Variants in UNC13C observed in about 807,000 individuals in gnomAD.
UNC13C encodes unc-13 homolog C, also known as protein unc-13 homolog C.
A neutral mutation model predicts 245.4 loss-of-function variants in UNC13C; 174 were observed. The observed-to-expected ratio is 0.71, with a 90% CI of 0.63 to 0.80. UNC13C has a LOEUF of 0.80. UNC13C is among the 30% of genes least tolerant of loss of function. UNC13C has a pLI of 0.00. For synonymous variants in UNC13C, 992 were observed against 895.1 expected (o/e 1.11, Z -1.93); for missense variants, 2,829 against 2,602.9 (o/e 1.09, Z -1.89).
intron 4 of UNC13C, among the ~76,000 whole-genome samples, chr15:54,228,202 G>A (rs553846711): frequency 1.1e-4 from 16 of 151,986 alleles, no homozygotes; most frequent in Non-Finnish European, 2.1e-4. Flanking sequence ...GACCTCTTTC[G>A]TCAGCTTGTG....
intron 13 of UNC13C, among the ~76,000 whole-genome samples, chr15:54,320,033 T>C (rs2038109124): frequency 6.6e-6 from 1 of 152,020 alleles, no homozygotes; most frequent in Non-Finnish European, 1.5e-5. Flanking sequence ...CCTAATTAAA[T>C]CTTGTCTGTA....
chr15:54,272,618 A>T (rs191356118), intron 10 of UNC13C, among the ~76,000 whole-genome samples: 2 of 152,122 alleles, frequency 1.3e-5, no homozygotes, highest in Admixed American at 1.3e-4. Context: ...TTATTTATTT[A>T]TTTATTTCTC....
At chr15:53,860,361 A>T in the UNC13C span, among the ~76,000 whole-genome samples, 1 of 152,194 alleles carries the variant, frequency 6.6e-6, no homozygotes, top group Admixed American at 6.5e-5. Context: ...ATCCTCAGGG[A>T]GGTAACTCAC....
intron 4 of UNC13C, among the ~76,000 whole-genome samples, chr15:54,171,610 C>A (rs541476317): frequency 6.6e-5 from 10 of 152,064 alleles, no homozygotes; most frequent in Admixed American, 2.0e-4. Context: ...ATAACAAATG[C>A]TGGTGAGAAT....
intron 2 of UNC13C, among the ~76,000 whole-genome samples, chr15:54,068,294 C>G (rs997620833): frequency 6.6e-6 from 1 of 152,054 alleles, no homozygotes; most frequent in Non-Finnish European, 1.5e-5. Context: ...GACTCAAACC[C>G]AAAGTTGTGA....
the UNC13C span, among the ~76,000 whole-genome samples, chr15:53,942,749 C>T: frequency 1.3e-5 from 2 of 152,180 alleles, no homozygotes; most frequent in South Asian, 4.1e-4. Context: ...GTGCAACTTC[C>T]AACTCCTGGT....
rs548060086 is a variant in UNC13C, at chr15:54,137,724, G to A, written c.2984-5294G>A. 9.8e-4 allele frequency among the ~76,000 whole-genome samples: 149 copies of A among 151,924 alleles called. 1 individual carries two copies. Among genetic ancestry groups the A allele is most frequent in the Non-Finnish European group, 1.3e-3 (87 of 67,926 alleles). Reference sequence around the variant, plus strand: ...GATCCATTTCCCTTATTTTCTTGGTGAGTCTAGCTAAGAGTTTGACAATTT... The same window carrying A: ...GATCCATTTCCCTTATTTTCTTGGTAAGTCTAGCTAAGAGTTTGACAATTT... On this transcript the variant is annotated intron_variant, in intron 2 of 32. Coordinates refer to ENST00000260323, the MANE Select transcript of UNC13C (RefSeq NM_001080534.3).
At chr15:53,925,966 G>A in the UNC13C span, among the ~76,000 whole-genome samples, 1 of 152,064 alleles carries the variant, frequency 6.6e-6, no homozygotes, top group Non-Finnish European at 1.5e-5. Context: ...GAGCAACCAC[G>A]GATTTTGATC....
intron 7 of UNC13C, among the ~76,000 whole-genome samples, chr15:54,241,213 C>A (rs1221147746): frequency 6.6e-6 from 1 of 152,058 alleles, no homozygotes; most frequent in Non-Finnish European, 1.5e-5. Flanking sequence ...GGTTGATGGG[C>A]ATGTTAAGGC....
chr15:54,250,284 C>A lies in UNC13C; in HGVS notation c.3288C>A (p.Ile1096=). 6.2e-7 allele frequency: 1 copy of A among 1,613,984 alleles called. No homozygotes were observed. The highest frequency in any genetic ancestry group is 8.5e-7 in the Non-Finnish European group (1 of 1,179,888). ...TGATCTACCCTATGTCTTCTACCAT[C>A]CCACACAATTTTGAGGTCTGGACGG... ...QALIYPMSST[I]PHNFEVWTAT... is the part of the protein sequence containing the mutation. The change falls in exon 8 of 33, where the codon ATC becomes ATA. Residue 1096 remains isoleucine (I), a synonymous_variant. Transcript: ENST00000260323.
intron 17 of UNC13C, among the ~76,000 whole-genome samples, chr15:54,356,050 A>G (rs1375124560): frequency 6.6e-6 from 1 of 152,212 alleles, no homozygotes; most frequent in Non-Finnish European, 1.5e-5. Context: ...TTCATCTCCA[A>G]TGCACTAAAA....
chr15:54,121,691 T>G (rs1481255191), intron 2 of UNC13C, among the ~76,000 whole-genome samples: 1 of 152,118 alleles, frequency 6.6e-6, no homozygotes, highest in African/African-American at 2.4e-5. Flanking sequence ...CAAAAAAATC[T>G]TATCGTGTTA....
the UNC13C span, among the ~76,000 whole-genome samples, chr15:53,929,961 C>T: frequency 6.6e-6 from 1 of 152,176 alleles, no homozygotes; most frequent in African/African-American, 2.4e-5. Context: ...GTGTAACAAA[C>T]TACTCATAAC....
the UNC13C span, chr15:53,910,994 G>A: frequency 6.6e-6 from 1 of 152,234 alleles, no homozygotes; most frequent in South Asian, 2.1e-4. Context: ...CAGGGGCAGC[G>A]GTGCTGCTTG....
intron 1 of UNC13C, among the ~76,000 whole-genome samples, chr15:53,996,292 A>G (rs1045288386): frequency 6.6e-6 from 1 of 152,176 alleles, no homozygotes; most frequent in Non-Finnish European, 1.5e-5. Context: ...TTCGTCTTTA[A>G]TCAAGAAGAC....
At chr15:54,318,612 T>C (rs1023908107) in intron 13 of UNC13C, among the ~76,000 whole-genome samples, 1 of 151,960 alleles carries the variant, frequency 6.6e-6, no homozygotes, top group Non-Finnish European at 1.5e-5. Context: ...GGTTCTTATA[T>C]GGTTTGGGTA....
intron 28 of UNC13C, among the ~76,000 whole-genome samples, chr15:54,553,794 A>T (rs1238142425): frequency 6.6e-6 from 1 of 151,404 alleles, no homozygotes; most frequent in Non-Finnish European, 1.5e-5. Context: ...ACTTATTAGC[A>T]TCTGTTAGAA....
chr15:54,038,126 T>A (rs367800075), intron 2 of UNC13C, among the ~76,000 whole-genome samples: 110 of 51,780 alleles, frequency 2.1e-3, no homozygotes, highest in African/African-American at 6.4e-3. Flanking sequence ...ATATATATAT[T>A]TTTTTTTTTT....
the UNC13C span, among the ~76,000 whole-genome samples, chr15:53,971,588 T>C: frequency 6.6e-5 from 10 of 152,292 alleles, no homozygotes; most frequent in East Asian, 1.7e-3. Context: ...CATTAAAGTC[T>C]CTACTAGCTG....
Sources: gnomAD v4.1 joint callset for allele counts (sites outside exome capture counted in the v4.1 genomes callset) on GRCh38, gnomAD v4.1.1 for gene constraint, MANE v1.5 for transcripts, NCBI Gene and HGNC (gene_info 2026-07-23, HGNC 2026-07-21) for gene names.